RTTN: variants seen among roughly 807,000 people sequenced by gnomAD.
RTTN encodes the protein rotatin.
In RTTN, 182 loss-of-function variants were observed where a neutral mutation model predicts 269.2. The ratio of observed to expected loss-of-function variants is 0.68; its 90% CI spans 0.60 to 0.76. RTTN has a LOEUF of 0.76. Among genes scored for constraint, RTTN ranks in the 30% least tolerant of loss-of-function variants. The pLI, the probability that RTTN is intolerant of heterozygous loss-of-function variation, is 0.00. For missense variants in RTTN, 2,545 were observed against 2,608.6 expected (o/e 0.98, Z 0.53); for synonymous variants, 1,006 against 963.5 (o/e 1.04, Z -0.82).
intron 11 of RTTN, among the ~76,000 whole-genome samples, chr18:70,169,480 C>T (rs2061081306): frequency 6.6e-6 from 1 of 152,150 alleles, no homozygotes; most frequent in African/African-American, 2.4e-5. Flanking sequence ...AACACTTCCC[C>T]ATCCCATAGC....
Position 70,124,376 on chromosome 18 carries a change from G to A in RTTN, c.3384-2676C>T, listed in dbSNP as rs187655883. On this transcript the variant is annotated intron_variant, in intron 25 of 48. Coordinates refer to ENST00000640769, the MANE Select transcript of RTTN (RefSeq NM_173630.4). ...TAAAAAGGAATGTAATAAACCCAAG[G>A]CACATGAGAAAACAAATATTTAAAC... 3.1e-4 allele frequency among the ~76,000 whole-genome samples: 47 copies of A among 152,144 alleles called. 1 individual carries two copies. The highest frequency in any genetic ancestry group is 8.3e-4 in the South Asian group (4 of 4,822).
Position 70,004,030 on chromosome 18 carries a change from G to T in RTTN, c.*121C>A, listed in dbSNP as rs553354025. ...AGTTCTCTCTCTCATGGGAAAGAAGGGGATCAACACTTTGTAGAGAGGTAG... is the reference window on the plus strand; with the variant it reads ...AGTTCTCTCTCTCATGGGAAAGAAGTGGATCAACACTTTGTAGAGAGGTAG... On this transcript the variant is annotated 3_prime_UTR_variant, in exon 49 of 49. Transcript: ENST00000640769. 4.1e-5 allele frequency: 27 copies of T among 661,122 alleles called. No homozygotes were observed. Among genetic ancestry groups the T allele is most frequent in the Non-Finnish European group, 6.9e-5 (26 of 375,392 alleles). The allele number at this position is 661,122 out of a possible 1,614,324, so 41.0% of individuals were successfully genotyped here.
chr18:70,197,471 A>T (rs2061839085), intron 6 of RTTN, among the ~76,000 whole-genome samples, 153 bp downstream of exon 6: 1 of 152,240 alleles, frequency 6.6e-6, no homozygotes, highest in Non-Finnish European at 1.5e-5. Flanking sequence ...TATCCACCCA[A>T]GTTAGCGAAT....
intron 31 of RTTN, among the ~76,000 whole-genome samples, chr18:70,087,440 G>A (rs77004357): frequency 0.034 from 5,170 of 152,116 alleles, 306 homozygotes; most frequent in African/African-American, 0.12. Context: ...TGGAACTGGC[G>A]ACTGCTAATG....
intron 32 of RTTN, 26 bp downstream of exon 32, chr18:70,086,587 G>T: frequency 6.8e-7 from 1 of 1,476,970 alleles, no homozygotes; most frequent in Non-Finnish European, 9.3e-7. Flanking sequence ...CATCTACTAG[G>T]TTGATAATTG....
Position 70,176,685 on chromosome 18 carries a change from G to A in RTTN, c.1466C>T (p.Pro489Leu), listed in dbSNP as rs766271702. Residue 489 changes from proline to leucine, a missense_variant, in exon 11 of 49, where the codon CCT (proline) becomes CTT (leucine). Physicochemically the swap from Pro to Leu is moderately conservative, Grantham distance 98. Coordinates refer to ENST00000640769, the MANE Select transcript of RTTN (RefSeq NM_173630.4). ...CATTGCCTGCCTTACCTTTTCAACA[G>A]GGAGAAGCGTTTGTAGCAGTCGAAC... ...FAVRLLQTLL[P>L]VEKASEFLSE... is the part of the protein sequence containing the mutation. The A allele has an allele frequency of 1.2e-6, 2 of 1,612,854 alleles. No homozygotes were observed. The highest frequency in any genetic ancestry group is 1.7e-6 in the Non-Finnish European group (2 of 1,179,426).
At position 70,057,738 on chromosome 18, in the gene RTTN, T is replaced by C. The variant is rs2057858787; in HGVS notation, c.5031+4A>G. 1 of 1,612,536 alleles carries C rather than the reference T, an allele frequency of 6.2e-7. No homozygotes were observed. Among genetic ancestry groups the C allele is most frequent in the South Asian group, 1.1e-5 (1 of 90,960 alleles). ...AAACCCACAAACAGACTTGAGATGC[T>C]TACCTGAGCCTGAGTGTGTTCAGCT... On this transcript the variant is annotated splice_donor_region_variant and intron_variant, in intron 37 of 48. Transcript: ENST00000640769.
rs190550184 is a variant in RTTN, at chr18:70,036,063, G to A, written c.5542-5082C>T. Among the ~76,000 whole-genome samples, 111 of 152,328 alleles carry A rather than the reference G, an allele frequency of 7.3e-4. 1 individual carries two copies. Among genetic ancestry groups the A allele is most frequent in the African/African-American group, 2.6e-3 (109 of 41,570 alleles). ...GTCAAAAAATAACACACGCTGATGA[G>A]GTTGTGGAGAAAAGGGAATGCTTAT... On this transcript the variant is annotated intron_variant, in intron 40 of 48. Coordinates refer to ENST00000640769, the MANE Select transcript of RTTN (RefSeq NM_173630.4).
intron 35 of RTTN, among the ~76,000 whole-genome samples, chr18:70,062,459 C>A (rs116453200): frequency 2.6e-5 from 4 of 152,056 alleles, no homozygotes; most frequent in Non-Finnish European, 5.9e-5. Context: ...AATAGATACA[C>A]GTATTTTAAA....
rs949247617 is a variant in RTTN, at chr18:70,111,517, A to G, written c.3684-1800T>C. Among the ~76,000 whole-genome samples the G allele has an allele frequency of 4.6e-5, 7 of 152,016 alleles. No individual in the cohort carries two copies. In the East Asian group the frequency reaches 1.4e-3, roughly 30 times the overall value. On this transcript the variant is annotated intron_variant, in intron 27 of 48. Coordinates refer to ENST00000640769, the MANE Select transcript of RTTN (RefSeq NM_173630.4). Reference sequence around the variant, plus strand: ...ACAGAAAGGAACAGCACGTCCACTCAAAGATCCCAACCGAAGGTCACCAAG... The same window carrying G: ...ACAGAAAGGAACAGCACGTCCACTCGAAGATCCCAACCGAAGGTCACCAAG...
chr18:70,101,631 T>C (rs887511789), intron 28 of RTTN, among the ~76,000 whole-genome samples: 4 of 152,194 alleles, frequency 2.6e-5, no homozygotes, highest in Admixed American at 6.5e-5. Flanking sequence ...TTTGAATGTG[T>C]TTACTCTTGC....
chr18:70,039,394 C>G lies in RTTN; in HGVS notation c.5542-8413G>C, dbSNP rs561321619. 1.0e-3 allele frequency among the ~76,000 whole-genome samples: 156 copies of G among 150,744 alleles called. 2 individuals carry two copies. Among genetic ancestry groups the G allele is most frequent in the Admixed American group, 1.0e-2 (151 of 15,138 alleles). On this transcript the variant is annotated intron_variant, in intron 40 of 48. Coordinates refer to ENST00000640769, the MANE Select transcript of RTTN (RefSeq NM_173630.4). ...CACGAGAGAGTGGCATGACATATTTCAAGTGCTGCAGGGAAAAAAAAAAAG... is the reference window on the plus strand; with the variant it reads ...CACGAGAGAGTGGCATGACATATTTGAAGTGCTGCAGGGAAAAAAAAAAAG...
intron 10 of RTTN, among the ~76,000 whole-genome samples, chr18:70,179,502 G>T (rs2061374045): frequency 6.6e-6 from 1 of 151,876 alleles, no homozygotes; most frequent in African/African-American, 2.4e-5. Flanking sequence ...GTTTTGTTTT[G>T]TAGGAAAGGA....
intron 35 of RTTN, among the ~76,000 whole-genome samples, chr18:70,060,874 A>G (rs991989309): frequency 1.6e-4 from 24 of 149,938 alleles, no homozygotes; most frequent in Non-Finnish European, 3.1e-4. Context: ...TGCCTGGCTT[A>G]TTTCATTTAA....
intron 43 of RTTN, among the ~76,000 whole-genome samples, chr18:70,027,046 T>C (rs2056874183): frequency 6.6e-6 from 1 of 152,160 alleles, no homozygotes; most frequent in Non-Finnish European, 1.5e-5. Flanking sequence ...ATTCCTCCTC[T>C]TCTCAATGCC....
intron 32 of RTTN, among the ~76,000 whole-genome samples, chr18:70,084,230 TA>T (rs5825989): frequency 0.83 from 124,671 of 149,888 alleles, 54,745 homozygotes; most frequent in East Asian, 1. Flanking sequence ...TTCTCTTTGT[TA>T]AAAAAAAAAA....
chr18:70,075,317 T>C lies in RTTN; in HGVS notation c.4564+35A>G, dbSNP rs778352792. The C allele has an allele frequency of 9.3e-6, 13 of 1,395,880 alleles. No individual in the cohort carries two copies. The East Asian group carries it at 3.1e-4, about 33-fold the overall frequency. The allele number at this position is 1,395,880 out of a possible 1,614,324, so 86.5% of individuals were successfully genotyped here. A position where few individuals can be genotyped will look rare whatever the true frequency, so the allele number is the denominator to read the frequency against. The stretch of plus-strand genomic sequence containing the variant: ...TTTAACAGTTTTTACAAGTTACATA[T>C]TACAAAAATAAAAATACAAAGATAT... On this transcript the variant is annotated intron_variant, in intron 33 of 48. Coordinates refer to ENST00000640769, the MANE Select transcript of RTTN (RefSeq NM_173630.4).
rs537825851 is a variant in RTTN at position 70,080,891 on chromosome 18, C to A, written c.4375-5350G>T. Among the ~76,000 whole-genome samples, 5 of 151,858 alleles carry A rather than the reference C, an allele frequency of 3.3e-5. No homozygotes were observed. The East Asian group carries it at 9.7e-4, about 30-fold the overall frequency. ...AAAATGTAGAACCAATTCAAATGCC[C>A]ATCCACCAATGAGTGGATAAACTGG... On this transcript the variant is annotated intron_variant, in intron 32 of 48. Coordinates refer to ENST00000640769, the MANE Select transcript of RTTN (RefSeq NM_173630.4).
chr18:70,178,766 A>G (rs554640211), intron 10 of RTTN, among the ~76,000 whole-genome samples: 2 of 152,276 alleles, frequency 1.3e-5, no homozygotes, highest in East Asian at 3.9e-4. Context: ...GTAGAATTAA[A>G]ACAAAAATTC....
Sources: allele counts gnomAD v4.1 joint callset (sites outside exome capture counted in the v4.1 genomes callset), GRCh38; gene constraint gnomAD v4.1.1; transcripts MANE v1.5; gene names NCBI Gene and HGNC (gene_info 2026-07-23, HGNC 2026-07-21).